ASB15: variants seen among roughly 807,000 people sequenced by gnomAD.
ASB15 encodes the protein ankyrin repeat and SOCS box containing 15, also known as ankyrin repeat and SOCS box protein 15.
A neutral mutation model predicts 58.0 loss-of-function variants in ASB15; 54 were observed. The observed-to-expected ratio is 0.93, with a 90% CI of 0.75 to 1.17. The LOEUF (loss-of-function observed/expected upper bound fraction) is 1.17. Among genes scored for constraint, ASB15 ranks in the 50% most tolerant of loss-of-function variants. The probability of loss-of-function intolerance (pLI) is 0.00; values close to 1 mark genes in which losing one functional copy is unlikely to be tolerated. For synonymous variants in ASB15, 249 were observed against 262.4 expected, an observed-to-expected ratio of 0.95 and a Z score of 0.50; for missense variants, 680 against 707.4, an observed-to-expected ratio of 0.96 and a Z score of 0.44.
chr7:123,585,792 C>T (rs188585309), intron 1 of ASB15, among the ~76,000 whole-genome samples: 86 of 151,782 alleles, frequency 5.7e-4, no homozygotes, highest in Non-Finnish European at 8.3e-4. Context: ...ATGAATTCAA[C>T]GTTTTTAGAT....
At chr7:123,627,361 A>G (rs1452049619) in intron 9 of ASB15, 80 bp downstream of exon 9, 13 of 1,127,720 alleles carry the variant, frequency 1.2e-5, no homozygotes, top group Middle Eastern at 4.9e-4. Context: ...GTCTATATGT[A>G]ATACCTTTCA....
chr7:123,581,414 TAAAAAAAAA>T (rs10642389), intron 1 of ASB15, among the ~76,000 whole-genome samples: 4 of 124,458 alleles, frequency 3.2e-5, no homozygotes, highest in African/African-American at 5.9e-5. Context: ...AGTGAGCACT[TAAAAAAAAA>T]AAAAAAAAAG....
At chr7:123,615,242 A>G (rs1288537457) in intron 4 of ASB15, 2 of 152,218 alleles carry the variant, frequency 1.3e-5, no homozygotes, top group East Asian at 3.8e-4. Context: ...ATAGAGTCTA[A>G]AACTGCAAAA....
chr7:123,597,991 C>T (rs1229532258), upstream of ASB15, among the ~76,000 whole-genome samples: 8 of 148,612 alleles, frequency 5.4e-5, no homozygotes, highest in Non-Finnish European at 8.9e-5. Context: ...CCTCCACAGC[C>T]TTCTTAGGTC....
intron 1 of ASB15, among the ~76,000 whole-genome samples, chr7:123,572,379 T>C (rs1419543260): frequency 6.6e-6 from 1 of 151,778 alleles, no homozygotes; most frequent in East Asian, 1.9e-4. Flanking sequence ...GACCTCATGA[T>C]CCGCCCGCCT....
At chr7:123,594,971 A>G (rs1799654214) in intron 1 of ASB15, among the ~76,000 whole-genome samples, 1 of 152,162 alleles carries the variant, frequency 6.6e-6, no homozygotes, top group African/African-American at 2.4e-5. Context: ...CGCTTTGTTT[A>G]CACTGTGAGC....
In ASB15 at chr7:123,614,549, A is replaced by T. The variant is rs372689014; in HGVS notation, c.47A>T (p.Asp16Val). 8 of 1,611,514 alleles carry T rather than the reference A, an allele frequency of 5.0e-6. No individual in the cohort carries two copies. The South Asian group carries it at 8.8e-5, about 18-fold the overall frequency. The change falls in exon 4 of 12, where the codon GAT (aspartate) becomes GTT (valine). Residue 16 changes from aspartate (D) to valine (V), a missense_variant. Transcript: ENST00000451215. ...GATGAAGACCATCTTACAAGTTATGATATTCAGCTAAGTATTCAAGAATCC... is the reference window on the plus strand; with the variant it reads ...GATGAAGACCATCTTACAAGTTATGTTATTCAGCTAAGTATTCAAGAATCC... ...DPDEDHLTSY[D>V]IQLSIQESIE...
intron 7 of ASB15, among the ~76,000 whole-genome samples, chr7:123,620,503 CATACAT>C (rs1473742667): frequency 0.012 from 614 of 53,024 alleles, 24 homozygotes; most frequent in African/African-American, 0.021. Flanking sequence ...GACACATATA[CATACAT>C]ATATATATAT....
rs764016921 is a variant in ASB15, at chr7:123,627,233, G to A, written c.821G>A (p.Arg274Gln). The A allele has an allele frequency of 1.1e-5, 18 of 1,613,764 alleles. No homozygotes were observed. In the African/African-American group the frequency reaches 1.3e-4, roughly 12 times the overall value. ...EYGGSGNVPN[R>Q]AGHLPIHRAA... Reference sequence around the variant, plus strand: ...GGAGGAAGCGGAAATGTACCTAACCGAGCAGGACATCTTCCTATACACCGA... The same window carrying A: ...GGAGGAAGCGGAAATGTACCTAACCAAGCAGGACATCTTCCTATACACCGA... The change falls in exon 9 of 12, where the codon CGA becomes CAA. Residue 274 changes from arginine (R) to glutamine (Q), a missense_variant. Arg to Gln is a conservative substitution (Grantham distance 43). Coordinates refer to ENST00000451215, the MANE Select transcript of ASB15 (RefSeq NM_001290258.2).
chr7:123,568,802 T>C (rs1798829265), intron 1 of ASB15, among the ~76,000 whole-genome samples: 1 of 152,112 alleles, frequency 6.6e-6, no homozygotes, highest in Non-Finnish European at 1.5e-5. Flanking sequence ...ACAGTAATTA[T>C]TTTAAAAATG....
intron 1 of ASB15, among the ~76,000 whole-genome samples, chr7:123,590,164 G>A (rs779872385): frequency 6.6e-5 from 10 of 152,072 alleles, no homozygotes; most frequent in Non-Finnish European, 1.2e-4. Context: ...TGTTGATGGG[G>A]TTGTTTGTTT....
intron 1 of ASB15, among the ~76,000 whole-genome samples, chr7:123,583,526 T>C (rs867337522): frequency 3.9e-5 from 6 of 152,016 alleles, no homozygotes; most frequent in African/African-American, 1.4e-4. Context: ...TACTTCAATT[T>C]CTGCTATATG....
At chr7:123,626,727 G>T (rs1164310278) in intron 8 of ASB15, among the ~76,000 whole-genome samples, 1 of 151,964 alleles carries the variant, frequency 6.6e-6, no homozygotes, top group Non-Finnish European at 1.5e-5. Flanking sequence ...TTTTGTGGGG[G>T]TTTTTTGTTT....
intron 1 of ASB15, among the ~76,000 whole-genome samples, chr7:123,589,771 A>C (rs1345624643): frequency 6.6e-6 from 1 of 152,148 alleles, no homozygotes; most frequent in African/African-American, 2.4e-5. Context: ...AGAGGGCCAC[A>C]ATAAACATAT....
At chr7:123,627,410 T>A in intron 9 of ASB15, 129 bp downstream of exon 9, 1 of 680,766 alleles carries the variant, frequency 1.5e-6, no homozygotes. Context: ...CAGGTTTTGA[T>A]GCTCCAAATT....
chr7:123,606,129 C>G (rs1375108574), intron 2 of ASB15, among the ~76,000 whole-genome samples: 1 of 152,150 alleles, frequency 6.6e-6, no homozygotes, highest in Non-Finnish European at 1.5e-5. Context: ...TTTTTATTGT[C>G]TGTAACTGGC....
intron 2 of ASB15, among the ~76,000 whole-genome samples, 186 bp downstream of exon 2, chr7:123,604,398 G>A (rs926716427): frequency 3.9e-5 from 6 of 151,902 alleles, no homozygotes; most frequent in African/African-American, 9.7e-5. Flanking sequence ...CCTGACCAAC[G>A]TGGTGAAACC....
intron 3 of ASB15, among the ~76,000 whole-genome samples, chr7:123,611,294 A>T (rs903982698): frequency 3.3e-5 from 5 of 151,016 alleles, no homozygotes; most frequent in South Asian, 4.2e-4. Context: ...TAGATAAATA[A>T]TTTTTTTTTC....
chr7:123,572,904 TTTC>T (rs1329558407), intron 1 of ASB15, among the ~76,000 whole-genome samples: 2 of 152,140 alleles, frequency 1.3e-5, no homozygotes, highest in Non-Finnish European at 2.9e-5. Context: ...TGTTGACATT[TTTC>T]TTTTTTCTCT....
Sources: allele counts gnomAD v4.1 joint callset (sites outside exome capture counted in the v4.1 genomes callset), GRCh38; gene constraint gnomAD v4.1.1; transcripts MANE v1.5; gene names NCBI Gene and HGNC (gene_info 2026-07-23, HGNC 2026-07-21).